The following FOXN3 variants were observed in gnomAD, a reference collection of about 807,000 sequenced individuals.
The protein encoded by FOXN3 is forkhead box N3, also known as forkhead box protein N3.
FOXN3 carries 7 observed loss-of-function variants against 38.4 expected under a neutral mutation model. The observed-to-expected ratio is 0.18, with a 90% CI of 0.10 to 0.34. The LOEUF (loss-of-function observed/expected upper bound fraction) is 0.34, where lower values mean the gene tolerates loss of function less well. Among genes scored for constraint, FOXN3 ranks in the 10% least tolerant of loss-of-function variants. The probability of loss-of-function intolerance (pLI) is 1.00; values close to 1 mark genes in which losing one functional copy is unlikely to be tolerated. For synonymous variants in FOXN3, 230 were observed against 242.2 expected, an observed-to-expected ratio of 0.95 and a Z score of 0.47; for missense variants, 456 against 613.4, an observed-to-expected ratio of 0.74 and a Z score of 2.71.
intron 1 of FOXN3, among the ~76,000 whole-genome samples, chr14:89,509,887 C>T (rs995207409): frequency 6.6e-6 from 1 of 152,176 alleles, no homozygotes; most frequent in Non-Finnish European, 1.5e-5. Context: ...CAAAATGACC[C>T]ATTGTGGCAG....
intron 4 of FOXN3, among the ~76,000 whole-genome samples, chr14:89,247,031 C>T (rs12588917): frequency 6.6e-6 from 1 of 152,092 alleles, no homozygotes; most frequent in African/African-American, 2.4e-5. Context: ...TTCCATCAAA[C>T]ATTCATCCAC....
Position 89,288,764 on chromosome 14 carries a change from ATATATG to A in FOXN3, c.681-7756_681-7751del, listed in dbSNP as rs1194275568. On this transcript the variant is annotated intron_variant, in intron 3 of 5. Transcript: ENST00000557258. Reference sequence around the variant, plus strand: ...TATATATATATATATATATATATATATATATGCTTGCACTGGGTCCGTAAGCATTAT... The same window carrying A: ...TATATATATATATATATATATATATACTTGCACTGGGTCCGTAAGCATTAT... Among the ~76,000 whole-genome samples, 21 of 99,388 alleles carry A rather than the reference ATATATG, an allele frequency of 2.1e-4. 1 individual carries two copies. Among genetic ancestry groups the A allele is most frequent in the African/African-American group, 7.9e-4 (21 of 26,710 alleles). The allele number at this position is 99,388 out of a possible 152,430, so 65.2% of individuals were successfully genotyped here. A position where few individuals can be genotyped will look rare whatever the true frequency, so the allele number is the denominator to read the frequency against.
intron 1 of FOXN3, among the ~76,000 whole-genome samples, chr14:89,522,690 C>G (rs576232486): frequency 8.6e-5 from 13 of 150,608 alleles, no homozygotes; most frequent in Non-Finnish European, 1.6e-4. Flanking sequence ...GCTGAAGATG[C>G]ATATAAGTGT....
Position 89,161,241 on chromosome 14 carries a change from A to G in FOXN3, c.*1173T>C, listed in dbSNP as rs1385417484. 6.6e-6 allele frequency: 1 copy of G among 152,244 alleles called. No individual in the cohort carries two copies. The highest frequency in any genetic ancestry group is 1.5e-5 in the Non-Finnish European group (1 of 68,000). The allele number at this position is 152,244 out of a possible 1,614,324, so 9.4% of individuals were successfully genotyped here. ...CTGATTTTTGCAAAGATAAATCCTGATATTAATTGCAAACTCCATTTTGAG... is the reference window on the plus strand; with the variant it reads ...CTGATTTTTGCAAAGATAAATCCTGGTATTAATTGCAAACTCCATTTTGAG... On this transcript the variant is annotated 3_prime_UTR_variant, in exon 6 of 6. Transcript: ENST00000557258.
chr14:89,258,847 C>G (rs559030767), intron 4 of FOXN3, among the ~76,000 whole-genome samples: 6 of 152,330 alleles, frequency 3.9e-5, no homozygotes, highest in African/African-American at 1.4e-4. Context: ...GGGGTCCTAT[C>G]AGGCTCATTC....
intron 3 of FOXN3, among the ~76,000 whole-genome samples, chr14:89,289,891 T>C (rs1052368752): frequency 1.3e-5 from 2 of 152,174 alleles, no homozygotes; most frequent in South Asian, 2.1e-4. Context: ...ACGTGGAAAA[T>C]TGAATCATGC....
chr14:89,430,254 T>A (rs1353191153), intron 1 of FOXN3, among the ~76,000 whole-genome samples: 1 of 152,242 alleles, frequency 6.6e-6, no homozygotes, highest in East Asian at 1.9e-4. Context: ...TTTGATTTGC[T>A]TCCAAATTTC....
At chr14:89,439,712 G>C (rs1005485490) in intron 1 of FOXN3, among the ~76,000 whole-genome samples, 1 of 147,668 alleles carries the variant, frequency 6.8e-6, no homozygotes, top group African/African-American at 2.5e-5. Context: ...CTAGAGTGCA[G>C]TGGTGTGATC....
In FOXN3 at chr14:89,408,885, T is replaced by C. The variant is rs936553948; in HGVS notation, c.543+3049A>G. On this transcript the variant is annotated intron_variant, in intron 2 of 5. Coordinates refer to ENST00000557258, the MANE Select transcript of FOXN3 (RefSeq NM_005197.4). ...GGAGCTCCCGCCAAATAAAATCTCA[T>C]AGGAAAAAACAAGTTTACCCATAGA... 2.6e-5 allele frequency among the ~76,000 whole-genome samples: 4 copies of C among 151,988 alleles called. No individual in the cohort carries two copies. The South Asian group carries it at 6.2e-4, about 24-fold the overall frequency.
At chr14:89,387,697 C>A (rs576974712) in intron 2 of FOXN3, among the ~76,000 whole-genome samples, 1 of 152,268 alleles carries the variant, frequency 6.6e-6, no homozygotes, top group East Asian at 1.9e-4. Flanking sequence ...GGAGTAGATT[C>A]CATTAAGGAA....
intron 1 of FOXN3, among the ~76,000 whole-genome samples, chr14:89,574,583 G>A (rs1895563271): frequency 6.6e-6 from 1 of 152,082 alleles, no homozygotes; most frequent in Non-Finnish European, 1.5e-5. Flanking sequence ...ACAGCCCCAG[G>A]ATTTCACTCC....
intron 4 of FOXN3, among the ~76,000 whole-genome samples, chr14:89,250,459 C>T (rs898717146): frequency 1.3e-5 from 2 of 152,176 alleles, no homozygotes; most frequent in Non-Finnish European, 2.9e-5. Flanking sequence ...ATATCAAACT[C>T]TAGTTGGTCA....
intron 1 of FOXN3, among the ~76,000 whole-genome samples, chr14:89,472,760 A>G (rs192477284): frequency 5.3e-5 from 8 of 151,964 alleles, no homozygotes; most frequent in African/African-American, 1.9e-4. Context: ...GTGCATCCTT[A>G]AAGTACACAG....
intron 1 of FOXN3, among the ~76,000 whole-genome samples, chr14:89,541,570 C>A (rs1894791125): frequency 6.6e-6 from 1 of 152,196 alleles, no homozygotes; most frequent in Non-Finnish European, 1.5e-5. Context: ...TTTAGCATAT[C>A]ATCAAGAAAT....
intron 3 of FOXN3, chr14:89,290,674 G>C: frequency 2.3e-6 from 1 of 432,746 alleles, no homozygotes. Flanking sequence ...GAAGGATGAG[G>C]TTTGGGAGAT....
At chr14:89,531,178 T>C (rs1475477454) in intron 1 of FOXN3, among the ~76,000 whole-genome samples, 1 of 150,944 alleles carries the variant, frequency 6.6e-6, no homozygotes, top group Non-Finnish European at 1.5e-5. Flanking sequence ...TATAAATGTA[T>C]ATGTATGACC....
intron 5 of FOXN3, among the ~76,000 whole-genome samples, chr14:89,176,825 C>T (rs1199774834): frequency 6.6e-6 from 1 of 152,124 alleles, no homozygotes; most frequent in African/African-American, 2.4e-5. Flanking sequence ...GTGTCTACTA[C>T]CTGCCCTACA....
intron 1 of FOXN3, among the ~76,000 whole-genome samples, chr14:89,504,517 T>C (rs1893869716): frequency 6.6e-6 from 1 of 152,120 alleles, no homozygotes; most frequent in Admixed American, 6.5e-5. Flanking sequence ...CCAGTTTGTG[T>C]AGAGCTGTGC....
At chr14:89,364,248 TTTAGA>T (rs1335842993) in intron 2 of FOXN3, 1 of 89,118 alleles carries the variant, frequency 1.1e-5, no homozygotes, top group Admixed American at 1.3e-4. Flanking sequence ...ACTCCAGCAG[TTTAGA>T]TTAAAAAAGA....
Sources: gnomAD v4.1 joint callset for allele counts (sites outside exome capture counted in the v4.1 genomes callset) on GRCh38, gnomAD v4.1.1 for gene constraint, MANE v1.5 for transcripts, NCBI Gene and HGNC (gene_info 2026-07-23, HGNC 2026-07-21) for gene names.